FAM76A: variants seen among roughly 807,000 people sequenced by gnomAD.
The protein encoded by FAM76A is family with sequence similarity 76 member A, also known as protein FAM76A.
A neutral mutation model predicts 46.2 loss-of-function variants in FAM76A; 32 were observed. The observed-to-expected ratio is 0.69, with a 90% CI of 0.52 to 0.93. The LOEUF (loss-of-function observed/expected upper bound fraction) is 0.93, where lower values mean the gene tolerates loss of function less well. FAM76A is among the 40% of genes least tolerant of loss of function. The pLI, the probability that FAM76A is intolerant of heterozygous loss-of-function variation, is 0.00. For missense variants in FAM76A, 274 were observed against 361.5 expected, an observed-to-expected ratio of 0.76 and a Z score of 1.96; for synonymous variants, 137 against 127.0, an observed-to-expected ratio of 1.08 and a Z score of -0.53.
At chr1:27,733,133 T>C (rs774717176) in intron 3 of FAM76A, among the ~76,000 whole-genome samples, 3 of 152,134 alleles carry the variant, frequency 2.0e-5, no homozygotes, top group East Asian at 1.9e-4. Flanking sequence ...GGTTTCACCA[T>C]GTTGGTCAGG....
intron 7 of FAM76A, among the ~76,000 whole-genome samples, chr1:27,756,222 A>G (rs2088406963): frequency 6.6e-6 from 1 of 152,196 alleles, no homozygotes; most frequent in Admixed American, 6.5e-5. Flanking sequence ...CTCTTATGTC[A>G]CTGTGCTTCC....
chr1:27,759,926 C>A (rs1009910277), intron 8 of FAM76A: 5 of 493,466 alleles, frequency 1.0e-5, no homozygotes, highest in East Asian at 5.6e-5. Flanking sequence ...TACCACCATA[C>A]CCCACTAATT....
rs1225100690 is a variant in FAM76A at position 27,726,125 on chromosome 1, C to T, written c.45C>T (p.Pro15=). 2.3e-6 allele frequency: 3 copies of T among 1,309,252 alleles called. No individual in the cohort carries two copies. The highest frequency in any genetic ancestry group is 2.8e-4 in the Middle Eastern group (1 of 3,520). 81.1% of individuals were successfully genotyped at this position (1,309,252 alleles called of 1,614,324 possible). Reference sequence around the variant, plus strand: ...GCACCAAGTGCCACCAGCGCTTCCCCTTCGAGGCGCTGTCTCAGGGGCAGC... The same window carrying T: ...GCACCAAGTGCCACCAGCGCTTCCCTTTCGAGGCGCTGTCTCAGGGGCAGC... ...YACTKCHQRF[P]FEALSQGQQL... is the part of the protein sequence containing the mutation. Residue 15 remains proline (P), a synonymous_variant, in exon 1 of 9, where the codon CCC becomes CCT. Transcript: ENST00000373954.
intron 4 of FAM76A, among the ~76,000 whole-genome samples, chr1:27,735,667 C>A (rs147676719): frequency 6.6e-6 from 1 of 152,226 alleles, no homozygotes; most frequent in Admixed American, 6.6e-5. Context: ...AGCAGCAGTC[C>A]CCCAAACCTG....
In FAM76A at chr1:27,761,483, G is replaced by A. The variant is rs567461973; in HGVS notation, c.*902G>A. The A allele has an allele frequency of 3.3e-5, 5 of 152,702 alleles. No individual in the cohort carries two copies. In the East Asian group the frequency reaches 9.6e-4, roughly 29 times the overall value. 9.5% of individuals were successfully genotyped at this position (152,702 alleles called of 1,614,324 possible). On this transcript the variant is annotated 3_prime_UTR_variant, in exon 9 of 9. Coordinates refer to ENST00000373954, the MANE Select transcript of FAM76A (RefSeq NM_152660.3). ...CTGTCTTTTTAAGTAAGGGCAGAAA[G>A]CAAGGTTGTCCAGGTTGTACTGGAC...
At chr1:27,740,519 A>G in intron 4 of FAM76A, 1 of 1,389,690 alleles carries the variant, frequency 7.2e-7, no homozygotes, top group South Asian at 1.2e-5. Context: ...AGGAGCTAAC[A>G]TGATTATGTC....
rs527835053 is a variant in FAM76A at position 27,737,276 on chromosome 1, T to C, written c.354+3093T>C. On this transcript the variant is annotated intron_variant, in intron 4 of 8. Coordinates refer to ENST00000373954, the MANE Select transcript of FAM76A (RefSeq NM_152660.3). ...CTCTTTTATTTCTAAAGTTTATTTT[T>C]AAGAGACAGATCTGAAAAAAATGTC... is the stretch of plus-strand genomic sequence containing the variant. Among the ~76,000 whole-genome samples the C allele has an allele frequency of 4.6e-5, 7 of 152,326 alleles. No individual in the cohort carries two copies. In the East Asian group the frequency reaches 1.3e-3, roughly 29 times the overall value.
intron 2 of FAM76A, among the ~76,000 whole-genome samples, chr1:27,731,198 AT>A (rs34236376): frequency 0.037 from 4,006 of 109,346 alleles, 108 homozygotes; most frequent in African/African-American, 0.094. Flanking sequence ...AGAAATCAGA[AT>A]TTTTTTTTTT....
chr1:27,749,231 C>A, intron 6 of FAM76A, 77 bp downstream of exon 6: 1 of 986,334 alleles, frequency 1.0e-6, no homozygotes, highest in Non-Finnish European at 1.5e-6. Flanking sequence ...CATTTAGGGT[C>A]TGCCTTGGAA....
chr1:27,760,588 T>C lies in FAM76A; in HGVS notation c.*7T>C, dbSNP rs1232432661. ...AGCTATAACCTCTCCATGACAGACCTCAAGGAGGCTCCCTAGCAACAGCAA... is the reference window on the plus strand; with the variant it reads ...AGCTATAACCTCTCCATGACAGACCCCAAGGAGGCTCCCTAGCAACAGCAA... On this transcript the variant is annotated 3_prime_UTR_variant, in exon 9 of 9. Transcript: ENST00000373954. 1.2e-6 allele frequency: 2 copies of C among 1,602,628 alleles called. No homozygotes were observed. Among genetic ancestry groups the C allele is most frequent in the South Asian group, 1.1e-5 (1 of 89,678 alleles).
rs374632191 is a variant in FAM76A at position 27,759,766 on chromosome 1, G to GTT, written c.837+150_837+151dup. 1,926 of 482,016 alleles carry GTT rather than the reference G, an allele frequency of 4.0e-3. 1 individual carries two copies. Among genetic ancestry groups the GTT allele is most frequent in the South Asian group, 9.7e-3 (356 of 36,872 alleles). 29.9% of individuals were successfully genotyped at this position (482,016 alleles called of 1,614,324 possible). A position where few individuals can be genotyped will look rare whatever the true frequency, so the allele number is the denominator to read the frequency against. On this transcript the variant is annotated intron_variant, in intron 8 of 8. Transcript: ENST00000373954. ...CAAATCATGTTAATCCCCCTTTTAG[G>GTT]TTTTTTTTTTTTGTTTTTTTTTTGA... is the stretch of plus-strand genomic sequence containing the variant.
At position 27,733,933 on chromosome 1, in the gene FAM76A, C is replaced by T. The variant is rs2088000226; in HGVS notation, c.202-98C>T. The T allele has an allele frequency of 6.0e-6, 7 of 1,161,776 alleles. No individual in the cohort carries two copies. The East Asian group carries it at 1.5e-4, about 26-fold the overall frequency. The allele number at this position is 1,161,776 out of a possible 1,614,324, so 72.0% of individuals were successfully genotyped here. A position where few individuals can be genotyped will look rare whatever the true frequency, so the allele number is the denominator to read the frequency against. ...TATGAAGTCGGCAATACATTTGTAC[C>T]ATGACTAATGAACTACAAAGTAGGA... On this transcript the variant is annotated intron_variant, in intron 3 of 8. Coordinates refer to ENST00000373954, the MANE Select transcript of FAM76A (RefSeq NM_152660.3).
Position 27,755,253 on chromosome 1 carries a change from C to T in FAM76A, c.658C>T (p.Gln220Ter), listed in dbSNP as rs367544809. The change falls in exon 7 of 9, where the codon CAA becomes TAA. Residue 220 changes from glutamine (Q) to a stop codon, truncating the protein, a stop_gained. Transcript: ENST00000373954. LOFTEE classifies it high-confidence loss of function. ...PGTDHFVIIA[Q>*]LKEEVATLKK... ...CACTGACCACTTTGTCATCATTGCC[C>T]AACTGAAGGAAGAAGTGGCTACCCT... is the stretch of plus-strand genomic sequence containing the variant. The T allele has an allele frequency of 2.5e-6, 4 of 1,614,006 alleles. No homozygotes were observed. Among genetic ancestry groups the T allele is most frequent in the Middle Eastern group, 1.6e-4 (1 of 6,084 alleles).
chr1:27,727,650 C>T lies in FAM76A; in HGVS notation c.146+114C>T, dbSNP rs888321644. The T allele has an allele frequency of 3.9e-6, 3 of 771,696 alleles. No individual in the cohort carries two copies. The Admixed American group carries it at 6.9e-5, about 18-fold the overall frequency. The allele number at this position is 771,696 out of a possible 1,614,324, so 47.8% of individuals were successfully genotyped here. ...ATCAGTTGCATTGTAAAATACAGAT[C>T]TGTAATCAATCACATTATATACAGA... On this transcript the variant is annotated intron_variant, in intron 2 of 8. Transcript: ENST00000373954.
chr1:27,733,888 G>T, intron 3 of FAM76A, 143 bp from the exon 4 acceptor site: 1 of 787,338 alleles, frequency 1.3e-6, no homozygotes, highest in East Asian at 3.2e-5. Flanking sequence ...GGCTTCATTT[G>T]GTCAATATAA....
intron 4 of FAM76A, among the ~76,000 whole-genome samples, chr1:27,743,167 T>C (rs2088183602): frequency 6.6e-6 from 1 of 152,204 alleles, no homozygotes. Flanking sequence ...TTATTCATTT[T>C]TGAGAAAGGG....
intron 2 of FAM76A, among the ~76,000 whole-genome samples, chr1:27,729,758 C>G (rs1289352249): frequency 1.3e-5 from 2 of 152,150 alleles, no homozygotes; most frequent in African/African-American, 4.8e-5. Context: ...GTTTGCAGCT[C>G]TTTTTGTGTG....
chr1:27,728,697 C>G (rs958405573), intron 2 of FAM76A, among the ~76,000 whole-genome samples: 1 of 152,222 alleles, frequency 6.6e-6, no homozygotes, highest in South Asian at 2.1e-4. Flanking sequence ...TACGGTGGCT[C>G]ATGCCTGTAA....
rs747096303 is a variant in FAM76A at position 27,749,135 on chromosome 1, A to G, written c.580A>G (p.Ile194Val). 4.0e-5 allele frequency: 65 copies of G among 1,606,324 alleles called. 1 individual carries two copies. In the South Asian group the frequency reaches 4.1e-4, roughly 10 times the overall value. ...IPKKKSKFES[I>V]TTNGDSFSPD... ...AAAGAAAAAGTCCAAGTTTGAGTCA[A>G]TCACAACTAATGGAGACAGGTGAGC... Residue 194 changes from isoleucine (I) to valine (V), a missense_variant, in exon 6 of 9, where the codon ATC becomes GTC. Coordinates refer to ENST00000373954, the MANE Select transcript of FAM76A (RefSeq NM_152660.3).
Sources: gnomAD v4.1 joint callset for allele counts (sites outside exome capture counted in the v4.1 genomes callset) on GRCh38, gnomAD v4.1.1 for gene constraint, MANE v1.5 for transcripts, NCBI Gene and HGNC (gene_info 2026-07-23, HGNC 2026-07-21) for gene names.